The following PTCH1 variants were observed in gnomAD, a reference collection of about 807,000 sequenced individuals.
PTCH1 encodes the protein protein patched homolog 1.
In PTCH1, 14 loss-of-function variants were observed where a neutral mutation model predicts 144.6. That is an observed-to-expected ratio of 0.10 (90% confidence interval 0.06 to 0.15). PTCH1 has a LOEUF of 0.15. PTCH1 is among the 10% of genes least tolerant of loss of function. PTCH1 has a pLI of 1.00. For synonymous variants in PTCH1, 833 were observed against 793.6 expected, an observed-to-expected ratio of 1.05 and a Z score of -0.83; for missense variants, 1,623 against 1,948.3, an observed-to-expected ratio of 0.83 and a Z score of 3.14.
chr9:95,480,907 ATTTT>A (rs3215875), intron 5 of PTCH1, among the ~76,000 whole-genome samples: 1 of 150,208 alleles, frequency 6.7e-6, no homozygotes, highest in Admixed American at 6.6e-5. Flanking sequence ...CCAAAATTAA[ATTTT>A]TTTTTTTTTA....
intron 1 of PTCH1, 147 bp from the exon 2 acceptor site, chr9:95,506,746 G>A (rs926625795): frequency 1.9e-6 from 2 of 1,063,958 alleles, no homozygotes; most frequent in African/African-American, 1.7e-5. Context: ...CGAGACTGCA[G>A]CCCCGGCGGA....
At position 95,447,307 on chromosome 9, in the gene PTCH1, T is replaced by C. The variant is rs1482005246; in HGVS notation, c.3949A>G (p.Arg1317Gly). 1.1e-5 allele frequency: 17 copies of C among 1,612,914 alleles called. No individual in the cohort carries two copies. The highest frequency in any genetic ancestry group is 1.4e-5 in the Non-Finnish European group (17 of 1,179,854). ...PREGLWPPPY[R>G]PRRDAFEIST... is the part of the protein sequence containing the mutation. ...ATTTCAAAAGCGTCTCTGCGCGGTC[T>C]GTAGGGGGGTGGCCACAAGCCTTCT... Residue 1317 changes from arginine (R) to glycine (G), a missense_variant, in exon 23 of 24, where the codon AGA becomes GGA. This residue lies in a region of PTCH1 where 291 missense variants were observed against 287.4 expected (regional missense o/e 1.01). Transcript: ENST00000331920.
chr9:95,459,748 G>C lies in PTCH1; in HGVS notation c.2739C>G (p.Ile913Met), dbSNP rs1305314328. 6.2e-7 allele frequency: 1 copy of C among 1,614,180 alleles called. No individual in the cohort carries two copies. Among genetic ancestry groups the C allele is most frequent in the Non-Finnish European group, 8.5e-7 (1 of 1,180,034 alleles). Residue 913 changes from isoleucine to methionine, a missense_variant, in exon 17 of 24, where the codon ATC becomes ATG. Around this residue, in one of 7 missense-constraint regions of PTCH1, gnomAD observed 504 missense variants for 679.3 expected, o/e 0.74. Coordinates refer to ENST00000331920, the MANE Select transcript of PTCH1 (RefSeq NM_000264.5). ...TKQRLVDADG[I>M]INPSAFYIYL... is the part of the protein sequence containing the mutation. The stretch of plus-strand genomic sequence containing the variant: ...AGATGTAGAAAGCGCTGGGATTAAT[G>C]ATGCCATCTGCATCCACCAGACGCT...
At position 95,446,309 on chromosome 9, in the gene PTCH1, C is replaced by T; in HGVS notation, c.*84G>A. On this transcript the variant is annotated 3_prime_UTR_variant, in exon 24 of 24. Transcript: ENST00000331920. ...AGGGCATCTTTTCCATAACTCCAAC[C>T]AGTTCTCTTCAAGCAGTTCTGGAAA... is the stretch of plus-strand genomic sequence containing the variant. The T allele has an allele frequency of 2.0e-6, 1 of 508,558 alleles. No homozygotes were observed. The highest frequency in any genetic ancestry group is 3.9e-6 in the Non-Finnish European group (1 of 255,804). 31.5% of individuals were successfully genotyped at this position (508,558 alleles called of 1,614,324 possible).
rs200215582 is a variant in PTCH1 at position 95,516,785 on chromosome 9, C to A, written c.-314G>T. 3.0e-4 allele frequency: 485 copies of A among 1,612,406 alleles called. No homozygotes were observed. The highest frequency in any genetic ancestry group is 3.8e-4 in the Non-Finnish European group (453 of 1,179,488). On this transcript the variant is annotated 5_prime_UTR_variant, in exon 1 of 23. Transcript: ENST00000430669. Reference sequence around the variant, plus strand: ...CTTTCGGCGGAGTGCAGCGCGGACTCACAATTACAAGCCTGTTTCTATTAA... The same window carrying A: ...CTTTCGGCGGAGTGCAGCGCGGACTAACAATTACAAGCCTGTTTCTATTAA...
At chr9:95,447,727 G>A (rs189983477) in intron 22 of PTCH1, among the ~76,000 whole-genome samples, 8 of 152,364 alleles carry the variant, frequency 5.3e-5, no homozygotes, top group Admixed American at 5.2e-4. Flanking sequence ...TGTGGTCAGA[G>A]CATCCAAGCT....
Position 95,485,696 on chromosome 9 carries a change from G to A in PTCH1, c.573C>T (p.Tyr191=), listed in dbSNP as rs1249050389. The change falls in exon 3 of 24, where the codon TAC becomes TAT. Residue 191 remains tyrosine, a synonymous_variant. Coordinates refer to ENST00000331920, the MANE Select transcript of PTCH1 (RefSeq NM_000264.5). ...SALQASRVHV[Y]MYNRQWKLEH... is the part of the protein sequence containing the mutation. Reference sequence around the variant, plus strand: ...GCGGCGGGCCTTACCTGTTGTACATGTATACATGGACACGGCTGGCCTGGA... The same window carrying A: ...GCGGCGGGCCTTACCTGTTGTACATATATACATGGACACGGCTGGCCTGGA... The A allele has an allele frequency of 6.2e-7, 1 of 1,614,068 alleles. No individual in the cohort carries two copies. Among genetic ancestry groups the A allele is most frequent in the Admixed American group, 1.7e-5 (1 of 60,016 alleles).
At chr9:95,457,385 T>C (rs1839035248) in intron 18 of PTCH1, among the ~76,000 whole-genome samples, 1 of 152,176 alleles carries the variant, frequency 6.6e-6, no homozygotes, top group African/African-American at 2.4e-5. Context: ...AGACACAAAA[T>C]CTGGCCTTTG....
Position 95,506,399 on chromosome 9 carries a change from G to C in PTCH1, c.394+8C>G, listed in dbSNP as rs1373035322. Reference sequence around the variant, plus strand: ...CGGGGGCGCGGGCGCCGCGGCGGGCGCTCTTACCTTCCACCCACAGCTCCT... The same window carrying C: ...CGGGGGCGCGGGCGCCGCGGCGGGCCCTCTTACCTTCCACCCACAGCTCCT... On this transcript the variant is annotated splice_region_variant and intron_variant, in intron 2 of 23. Transcript: ENST00000331920. 1 of 1,608,656 alleles carries C rather than the reference G, an allele frequency of 6.2e-7. No homozygotes were observed.
chr9:95,477,430 A>T, intron 10 of PTCH1, 117 bp downstream of exon 10: 1 of 1,386,584 alleles, frequency 7.2e-7, no homozygotes, highest in Non-Finnish European at 1.0e-6. Flanking sequence ...CTAGTGGAAA[A>T]GGCTGCAAGA....
rs537571416 is a variant in PTCH1, at chr9:95,463,681, T to C, written c.2561-1683A>G. On this transcript the variant is annotated intron_variant, in intron 15 of 23. Transcript: ENST00000331920. ...AGGCTCACACTTGGTGAGTGTGGGG[T>C]GGCGCTGGGCATCCCACGGCAACCA... 2.0e-4 allele frequency among the ~76,000 whole-genome samples: 31 copies of C among 151,912 alleles called. No individual in the cohort carries two copies. In the East Asian group the frequency reaches 4.5e-3, roughly 22 times the overall value.
intron 12 of PTCH1, among the ~76,000 whole-genome samples, chr9:95,471,472 G>C (rs1840576099): frequency 6.6e-6 from 1 of 152,204 alleles, no homozygotes; most frequent in Non-Finnish European, 1.5e-5. Context: ...ACACAAATAA[G>C]CTCATCACCA....
intron 1 of PTCH1, chr9:95,506,995 G>A: frequency 1.0e-6 from 1 of 998,818 alleles, no homozygotes; most frequent in Non-Finnish European, 1.2e-6. Flanking sequence ...AGGTTCAGGA[G>A]CCAGCAAACC....
At chr9:95,469,294 C>A in intron 13 of PTCH1, 141 bp from the exon 14 acceptor site, 2 of 1,168,340 alleles carry the variant, frequency 1.7e-6, no homozygotes, top group Non-Finnish European at 2.5e-6. Flanking sequence ...TGCTGAATTC[C>A]AGAAACATCG....
chr9:95,456,000 G>A (rs1838886240), intron 19 of PTCH1, among the ~76,000 whole-genome samples: 1 of 152,204 alleles, frequency 6.6e-6, no homozygotes, highest in Non-Finnish European at 1.5e-5. Context: ...AAAGTCAGGT[G>A]AGCACGGCCC....
In PTCH1 at chr9:95,508,145, A is replaced by G. The variant is rs766739273; in HGVS notation, c.201+16T>C. The stretch of plus-strand genomic sequence containing the variant: ...AGGAGGGAAGAGAAAGTGGGAGGAG[A>G]GAGTCTGAAATGCACCTTGGAAATC... On this transcript the variant is annotated intron_variant, in intron 1 of 23. Coordinates refer to ENST00000331920, the MANE Select transcript of PTCH1 (RefSeq NM_000264.5). 1.2e-5 allele frequency: 19 copies of G among 1,612,118 alleles called. No individual in the cohort carries two copies. The highest frequency in any genetic ancestry group is 3.3e-4 in the Middle Eastern group (2 of 6,074).
At chr9:95,490,832 T>C (rs1842347046) in intron 2 of PTCH1, among the ~76,000 whole-genome samples, 1 of 152,150 alleles carries the variant, frequency 6.6e-6, no homozygotes, top group Non-Finnish European at 1.5e-5. Context: ...TTAACAACAA[T>C]ACACTGTATA....
At chr9:95,485,947 A>C (rs1476101564) in intron 2 of PTCH1, 73 bp from the exon 3 acceptor site, 64 of 1,523,360 alleles carry the variant, frequency 4.2e-5, no homozygotes, top group East Asian at 2.3e-5. Flanking sequence ...TTATCTGACT[A>C]CCTGCCATAG....
intron 2 of PTCH1, among the ~76,000 whole-genome samples, chr9:95,492,904 G>T (rs1316761091): frequency 6.6e-6 from 1 of 152,032 alleles, no homozygotes; most frequent in Non-Finnish European, 1.5e-5. Flanking sequence ...CTTAGAGGGG[G>T]CAGATGAAGG....
Sources: gnomAD v4.1 joint callset for allele counts (sites outside exome capture counted in the v4.1 genomes callset) on GRCh38, gnomAD v4.1.1 for gene constraint, gnomAD v4.1.1 regional missense constraint, MANE v1.5 for transcripts, NCBI Gene and HGNC (gene_info 2026-07-23, HGNC 2026-07-21) for gene names.